Variants in PPP1R16B observed in about 807,000 individuals in gnomAD.
The protein encoded by PPP1R16B is protein phosphatase 1 regulatory inhibitor subunit 16B.
Under a neutral mutation model 61.7 loss-of-function variants are expected in PPP1R16B, and 14 were observed. The observed-to-expected ratio is 0.23, with a 90% CI of 0.15 to 0.35. PPP1R16B has a LOEUF of 0.35. Ranked by LOEUF, PPP1R16B falls within the 10% of genes least tolerant of loss-of-function variation. The pLI is 1.00. For synonymous variants in PPP1R16B, 266 were observed against 305.3 expected, an observed-to-expected ratio of 0.87 and a Z score of 1.34; for missense variants, 547 against 752.5, an observed-to-expected ratio of 0.73 and a Z score of 3.19.
chr20:38,813,767 C>CATCATCATT (rs1187115840), intron 1 of PPP1R16B, among the ~76,000 whole-genome samples: 1 of 132,074 alleles, frequency 7.6e-6, no homozygotes, highest in African/African-American at 2.8e-5. Context: ...TCATCATCAT[C>CATCATCATT]ATTATTATTA....
At chr20:38,898,121 CT>C (rs767250981) in intron 4 of PPP1R16B, among the ~76,000 whole-genome samples, 2 of 152,138 alleles carry the variant, frequency 1.3e-5, no homozygotes, top group African/African-American at 2.4e-5. Flanking sequence ...AGTTTTAGGT[CT>C]TTCATTTAGG....
At chr20:38,877,826 T>A (rs1203165544) in intron 2 of PPP1R16B, among the ~76,000 whole-genome samples, 1 of 152,218 alleles carries the variant, frequency 6.6e-6, no homozygotes, top group Non-Finnish European at 1.5e-5. Context: ...CCATTCTTCA[T>A]AATAGTAATG....
chr20:38,865,156 G>A (rs904359286), intron 2 of PPP1R16B, among the ~76,000 whole-genome samples: 14 of 152,256 alleles, frequency 9.2e-5, no homozygotes, highest in South Asian at 2.1e-4. Context: ...CCGGTTGAGG[G>A]AACTGGAAGG....
chr20:38,832,661 G>GT (rs2084844875), intron 1 of PPP1R16B, among the ~76,000 whole-genome samples: 1 of 152,140 alleles, frequency 6.6e-6, no homozygotes, highest in African/African-American at 2.4e-5. Flanking sequence ...GCTCACGCCT[G>GT]TAATCTGAGC....
intron 1 of PPP1R16B, among the ~76,000 whole-genome samples, chr20:38,825,960 C>A (rs1462876768): frequency 6.6e-6 from 1 of 152,186 alleles, no homozygotes; most frequent in Non-Finnish European, 1.5e-5. Flanking sequence ...GCTTCGTAAT[C>A]CCTCTCCTCA....
At chr20:38,835,706 T>G in intron 1 of PPP1R16B, 119 bp from the exon 2 acceptor site, 1 of 566,996 alleles carries the variant, frequency 1.8e-6, no homozygotes, top group East Asian at 2.9e-5. Flanking sequence ...GCACTTCTCT[T>G]GAGGAGCAAT....
At chr20:38,821,711 A>G (rs2084774433) in intron 1 of PPP1R16B, among the ~76,000 whole-genome samples, 1 of 152,084 alleles carries the variant, frequency 6.6e-6, no homozygotes, top group South Asian at 2.1e-4. Flanking sequence ...TTTTCTTTGT[A>G]ATTTCTATGT....
intron 1 of PPP1R16B, among the ~76,000 whole-genome samples, chr20:38,817,787 GTAA>G: frequency 6.6e-6 from 1 of 151,742 alleles, no homozygotes; most frequent in East Asian, 2.0e-4. Flanking sequence ...GTTCATGCTT[GTAA>G]TCCCAGCACT....
chr20:38,810,832 TGTAA>T (rs1043685107), intron 1 of PPP1R16B, among the ~76,000 whole-genome samples: 6 of 152,148 alleles, frequency 3.9e-5, no homozygotes, highest in Non-Finnish European at 7.4e-5. Flanking sequence ...GCATGCAGCT[TGTAA>T]GTGACAGGAA....
chr20:38,881,489 G>A (rs1026541419), intron 2 of PPP1R16B, among the ~76,000 whole-genome samples: 1 of 152,194 alleles, frequency 6.6e-6, no homozygotes, highest in Non-Finnish European at 1.5e-5. Flanking sequence ...GGACTGGGCT[G>A]TTCATGCAGG....
chr20:38,859,539 T>C (rs931756324), intron 2 of PPP1R16B, among the ~76,000 whole-genome samples: 18 of 152,360 alleles, frequency 1.2e-4, no homozygotes, highest in Admixed American at 9.1e-4. Flanking sequence ...TTGCCCAGAC[T>C]GGGGTGCAGT....
Position 38,814,347 on chromosome 20 carries a change from G to T in PPP1R16B, c.-102+8555G>T, listed in dbSNP as rs148145471. Among the ~76,000 whole-genome samples the T allele has an allele frequency of 1.5e-3, 221 of 152,214 alleles. 1 individual carries two copies. Among genetic ancestry groups the T allele is most frequent in the African/African-American group, 5.1e-3 (210 of 41,528 alleles). On this transcript the variant is annotated intron_variant, in intron 1 of 10. Coordinates refer to ENST00000299824, the MANE Select transcript of PPP1R16B (RefSeq NM_015568.4). ...CTTTTTTCTTGTCCTTCCTTCAGAG[G>T]GGGGAAGGCTAGCAATGACCTTGGC...
chr20:38,824,514 G>A (rs1231178878), intron 1 of PPP1R16B, among the ~76,000 whole-genome samples: 1 of 152,232 alleles, frequency 6.6e-6, no homozygotes, highest in Non-Finnish European at 1.5e-5. Context: ...AGCCTTTGGA[G>A]TTAGGCAGAC....
At chr20:38,875,966 TGAAC>T (rs1362451979) in intron 2 of PPP1R16B, among the ~76,000 whole-genome samples, 2 of 137,030 alleles carry the variant, frequency 1.5e-5, no homozygotes, top group Admixed American at 7.5e-5. Flanking sequence ...ACTGTGGTTT[TGAAC>T]TTTTTTTTTT....
intron 1 of PPP1R16B, among the ~76,000 whole-genome samples, chr20:38,818,329 G>C (rs1388172039): frequency 2.6e-5 from 4 of 152,214 alleles, no homozygotes; most frequent in African/African-American, 9.7e-5. Context: ...CTGGGGAGGA[G>C]TGAATCATCA....
At position 38,855,529 on chromosome 20, in the gene PPP1R16B, G is replaced by A. The variant is rs561625828; in HGVS notation, c.250+19354G>A. Among the ~76,000 whole-genome samples, 4 of 152,184 alleles carry A rather than the reference G, an allele frequency of 2.6e-5. No individual in the cohort carries two copies. The South Asian group carries it at 6.2e-4, about 24-fold the overall frequency. On this transcript the variant is annotated intron_variant, in intron 2 of 10. Coordinates refer to ENST00000299824, the MANE Select transcript of PPP1R16B (RefSeq NM_015568.4). ...TCTTCTCCATTTGCTGCCCACGGAC[G>A]CCGAAAATAACTTGTTTTCTGGCAA...
At chr20:38,862,523 T>C (rs1409387456) in intron 2 of PPP1R16B, among the ~76,000 whole-genome samples, 1 of 152,074 alleles carries the variant, frequency 6.6e-6, no homozygotes, top group Non-Finnish European at 1.5e-5. Context: ...GTAGAGAGAA[T>C]ATAGCTAGTA....
At chr20:38,889,489 C>T in intron 2 of PPP1R16B, 106 bp from the exon 3 acceptor site, 1 of 996,398 alleles carries the variant, frequency 1.0e-6, no homozygotes, top group South Asian at 1.3e-5. Context: ...GGAGTTGTTA[C>T]TACATTCTTC....
At chr20:38,841,391 G>A (rs2084908349) in intron 2 of PPP1R16B, among the ~76,000 whole-genome samples, 1 of 148,596 alleles carries the variant, frequency 6.7e-6, no homozygotes. Context: ...AGCCAGCCGT[G>A]GTGGCACTTG....
Sources: allele counts gnomAD v4.1 joint callset (sites outside exome capture counted in the v4.1 genomes callset), GRCh38; gene constraint gnomAD v4.1.1; transcripts MANE v1.5; gene names NCBI Gene and HGNC (gene_info 2026-07-23, HGNC 2026-07-21).